The following LMBRD1 variants were observed in gnomAD, a reference collection of about 807,000 sequenced individuals.
LMBRD1 encodes the protein LMBR1 domain containing 1, also known as lysosomal cobalamin transport escort protein LMBD1.
LMBRD1 carries 64 observed loss-of-function variants against 74.8 expected under a neutral mutation model. The observed-to-expected ratio is 0.86, with a 90% confidence interval of 0.70 to 1.05. The LOEUF is 1.05. Among genes scored for constraint, LMBRD1 ranks in the 50% least tolerant of loss-of-function variants. The pLI, the probability that LMBRD1 is intolerant of heterozygous loss-of-function variation, is 0.00. For synonymous variants in LMBRD1, 204 were observed against 216.3 expected (o/e 0.94, Z 0.50); for missense variants, 652 against 645.9 (o/e 1.01, Z -0.10).
intron 3 of LMBRD1, among the ~76,000 whole-genome samples, chr6:69,771,809 T>C (rs1340056542): frequency 6.6e-6 from 1 of 151,638 alleles, no homozygotes; most frequent in Non-Finnish European, 1.5e-5. Context: ...AAAACAAGGG[T>C]GGAAAAGACA....
At chr6:69,783,648 G>A (rs954464494) in intron 2 of LMBRD1, among the ~76,000 whole-genome samples, 3 of 152,110 alleles carry the variant, frequency 2.0e-5, no homozygotes, top group African/African-American at 7.2e-5. Context: ...TTACAGGTGT[G>A]AGCCACCATA....
At chr6:69,788,081 C>A (rs188718461) in intron 2 of LMBRD1, among the ~76,000 whole-genome samples, 53 of 152,160 alleles carry the variant, frequency 3.5e-4, no homozygotes, top group Admixed American at 3.4e-3. Flanking sequence ...CAAAACAATA[C>A]TTAATCTAAT....
chr6:69,722,527 G>C (rs1766639043), intron 7 of LMBRD1, among the ~76,000 whole-genome samples: 1 of 151,798 alleles, frequency 6.6e-6, no homozygotes, highest in Non-Finnish European at 1.5e-5. Context: ...ACAACAAAAA[G>C]TTTAAAAGCA....
At position 69,681,170 on chromosome 6, in the gene LMBRD1, T is replaced by G. The variant is rs1765653129; in HGVS notation, c.1418-4629A>C. On this transcript the variant is annotated intron_variant, in intron 14 of 15. Transcript: ENST00000649934. The stretch of plus-strand genomic sequence containing the variant: ...CATGGGGGAGGGGGGCTCAGATAAT[T>G]TTTTTTTCTGATGAGAAAGTGGCCA... Among the ~76,000 whole-genome samples, 7 of 151,846 alleles carry G rather than the reference T, an allele frequency of 4.6e-5. No individual in the cohort carries two copies. In the South Asian group the frequency reaches 1.5e-3, roughly 32 times the overall value.
intron 12 of LMBRD1, 44 bp downstream of exon 12, chr6:69,700,721 A>G: frequency 1.6e-6 from 2 of 1,277,544 alleles, no homozygotes; most frequent in South Asian, 1.5e-5. Context: ...TGGAGATCAC[A>G]CACAAAATGA....
chr6:69,697,465 C>T, intron 14 of LMBRD1, 98 bp downstream of exon 14: 1 of 839,804 alleles, frequency 1.2e-6, no homozygotes, highest in East Asian at 2.4e-5. Flanking sequence ...TTCCTTCTTA[C>T]CACGTAGTAA....
intron 7 of LMBRD1, among the ~76,000 whole-genome samples, chr6:69,726,055 A>C (rs1164928780): frequency 6.6e-6 from 1 of 152,156 alleles, no homozygotes; most frequent in Non-Finnish European, 1.5e-5. Context: ...CCTAATAACC[A>C]TATTAAAAAG....
In LMBRD1 at chr6:69,701,946, C is replaced by A; in HGVS notation, c.923G>T (p.Trp308Leu). 1 of 1,598,296 alleles carries A rather than the reference C, an allele frequency of 6.3e-7. No individual in the cohort carries two copies. Among genetic ancestry groups the A allele is most frequent in the South Asian group, 1.1e-5 (1 of 90,572 alleles). The change falls in exon 10 of 16, where the codon TGG (tryptophan) becomes TTG (leucine). Residue 308 changes from tryptophan (W) to leucine (L), a missense_variant. By Grantham distance (61) the Trp-to-Leu change is moderately conservative. This residue lies in a region of LMBRD1 where 598 missense variants were observed against 581.8 expected (regional missense o/e 1.03). Transcript: ENST00000649934. Reference sequence around the variant, plus strand: ...TGCAACTAAGATGAAAAATATTCCCCAGACGATCTAAAAGCAAAAATATAT... The same window carrying A: ...TGCAACTAAGATGAAAAATATTCCCAAGACGATCTAAAAGCAAAAATATAT... Reference protein sequence around the residue: ...CGALRPLKIVWGIFFILVALL... With the variant: ...CGALRPLKIVLGIFFILVALL...
intron 3 of LMBRD1, among the ~76,000 whole-genome samples, chr6:69,774,656 A>G (rs1669884350): frequency 6.6e-6 from 1 of 152,142 alleles, no homozygotes; most frequent in African/African-American, 2.4e-5. Flanking sequence ...CACAGACAAC[A>G]TAAGGGATAA....
intron 4 of LMBRD1, among the ~76,000 whole-genome samples, chr6:69,751,982 AAAAC>A (rs1562112521): frequency 6.6e-6 from 1 of 152,238 alleles, no homozygotes; most frequent in African/African-American, 2.4e-5. Context: ...TGTTGTGTAA[AAAAC>A]AACCCAAATT....
At chr6:69,702,757 A>G (rs1052976892) in intron 9 of LMBRD1, among the ~76,000 whole-genome samples, 8 of 152,114 alleles carry the variant, frequency 5.3e-5, no homozygotes, top group African/African-American at 1.9e-4. Flanking sequence ...ATCCAAAAAG[A>G]AGAGTCCCAG....
chr6:69,682,836 T>C (rs1327300234), intron 14 of LMBRD1, among the ~76,000 whole-genome samples: 2 of 152,048 alleles, frequency 1.3e-5, no homozygotes, highest in Non-Finnish European at 2.9e-5. Context: ...AATATCAGTT[T>C]CTTTGTAAGT....
chr6:69,698,980 T>A lies in LMBRD1; in HGVS notation c.1338+63A>T. ...TTATGCTAACCATCACAATTAAAAT[T>A]TCATTTTAAATATCACTATCTTTAA... On this transcript the variant is annotated intron_variant, in intron 13 of 15. Transcript: ENST00000649934. The A allele has an allele frequency of 2.6e-6, 3 of 1,144,924 alleles. No individual in the cohort carries two copies. In the South Asian group the frequency reaches 3.9e-5, roughly 15 times the overall value. 70.9% of individuals were successfully genotyped at this position (1,144,924 alleles called of 1,614,324 possible).
intron 3 of LMBRD1, among the ~76,000 whole-genome samples, chr6:69,774,564 AG>A (rs1281783112): frequency 6.6e-6 from 1 of 152,134 alleles, no homozygotes; most frequent in Non-Finnish European, 1.5e-5. Flanking sequence ...GCATGCATGC[AG>A]GGGTTGTAGA....
At position 69,674,487 on chromosome 6, in the gene LMBRD1, T is replaced by A. The variant is rs1372627724; in HGVS notation, c.*1671A>T. On this transcript the variant is annotated 3_prime_UTR_variant, in exon 16 of 16. Transcript: ENST00000649934. ...CTGATTCTTTGTTTAGGCAATCAAG[T>A]GTCTGCGGTGCCATTTGTCAAAAAA... Among the ~76,000 whole-genome samples, 1 of 152,154 alleles carries A rather than the reference T, an allele frequency of 6.6e-6. No homozygotes were observed. The highest frequency in any genetic ancestry group is 1.5e-5 in the Non-Finnish European group (1 of 68,034).
In LMBRD1 at chr6:69,676,133, A is replaced by G; in HGVS notation, c.*25T>C. On this transcript the variant is annotated 3_prime_UTR_variant, in exon 16 of 16. Coordinates refer to ENST00000649934, the MANE Select transcript of LMBRD1 (RefSeq NM_018368.4). Reference sequence around the variant, plus strand: ...GCATAACAGATATTCAGTCAGCATTATAAAACCTTTAAGACAGAAGGCTGT... The same window carrying G: ...GCATAACAGATATTCAGTCAGCATTGTAAAACCTTTAAGACAGAAGGCTGT... 2 of 1,558,540 alleles carry G rather than the reference A, an allele frequency of 1.3e-6. No homozygotes were observed.
chr6:69,721,886 C>CCCTTGGG (rs1471537490), intron 7 of LMBRD1, among the ~76,000 whole-genome samples: 2 of 152,102 alleles, frequency 1.3e-5, no homozygotes, highest in Non-Finnish European at 2.9e-5. Context: ...GTCAGAAGAG[C>CCCTTGGG]CCTTGGGCTT....
intron 3 of LMBRD1, among the ~76,000 whole-genome samples, chr6:69,767,969 G>A (rs1251401285): frequency 6.6e-6 from 1 of 151,834 alleles, no homozygotes; most frequent in Non-Finnish European, 1.5e-5. Context: ...TTGTCTTAAA[G>A]TCTATTTTAT....
At chr6:69,751,125 A>G (rs1008320433) in intron 4 of LMBRD1, among the ~76,000 whole-genome samples, 1 of 152,156 alleles carries the variant, frequency 6.6e-6, no homozygotes, top group Admixed American at 6.5e-5. Context: ...ATTACTATAT[A>G]TTAATAGATT....
Sources: allele counts gnomAD v4.1 joint callset (sites outside exome capture counted in the v4.1 genomes callset), GRCh38; gene constraint gnomAD v4.1.1; regional missense constraint gnomAD v4.1.1; transcripts MANE v1.5; gene names NCBI Gene and HGNC (gene_info 2026-07-23, HGNC 2026-07-21).